The following IL1RAPL2 variants were observed in gnomAD, a reference collection of about 807,000 sequenced individuals.
IL1RAPL2 encodes interleukin 1 receptor accessory protein like 2.
IL1RAPL2 carries 3 observed loss-of-function variants against 44.1 expected under a neutral mutation model. The ratio of observed to expected loss-of-function variants is 0.07; its 90% CI spans 0.03 to 0.18. IL1RAPL2 has a LOEUF of 0.18. Ranked by LOEUF, IL1RAPL2 falls within the 10% of genes least tolerant of loss-of-function variation. IL1RAPL2 has a pLI of 1.00. For synonymous variants in IL1RAPL2, 181 were observed against 178.8 expected, an observed-to-expected ratio of 1.01 and a Z score of -0.10; for missense variants, 391 against 496.4, an observed-to-expected ratio of 0.79 and a Z score of 2.02.
At chrX:104,940,007 A>C (rs1925124445) in intron 2 of IL1RAPL2, among the ~76,000 whole-genome samples, 1 of 111,508 alleles carries the variant, frequency 9.0e-6, no homozygotes, top group African/African-American at 3.3e-5. Flanking sequence ...AAAATTTTGG[A>C]AAATTGGCTG....
chrX:104,646,751 A>G (rs932525575), intron 1 of IL1RAPL2, among the ~76,000 whole-genome samples: 1 of 111,452 alleles, frequency 9.0e-6, no homozygotes, highest in South Asian at 3.8e-4. Context: ...AAGGCGTCAC[A>G]TTGACAAATA....
At chrX:105,646,949 C>T (rs766813303) in intron 6 of IL1RAPL2, among the ~76,000 whole-genome samples, 1 of 112,480 alleles carries the variant, frequency 8.9e-6, no homozygotes, top group Non-Finnish European at 1.9e-5. Context: ...CCCAAGATGG[C>T]GGCAAGCCTT....
intron 2 of IL1RAPL2, among the ~76,000 whole-genome samples, chrX:105,078,589 C>T (rs1265689623): frequency 2.7e-5 from 3 of 112,037 alleles, no homozygotes; most frequent in Admixed American, 9.4e-5. Context: ...AGACTGCAGA[C>T]GTTATTGCTG....
rs199833162 is a variant in IL1RAPL2 at position 105,074,095 on chromosome X, T to A, written c.83-121380T>A. 4.2e-4 allele frequency among the ~76,000 whole-genome samples: 47 copies of A among 111,773 alleles called. 2 individuals are homozygous for A. In the East Asian group the frequency reaches 0.013, roughly 30 times the overall value. On this transcript the variant is annotated intron_variant, in intron 2 of 10. Transcript: ENST00000372582. ...CTTTTGTTGCCATTGCTTTTGGTGT[T>A]TTAGACATGAAGTCCTTGCCCATGC...
chrX:104,945,931 A>G (rs1366145380), intron 2 of IL1RAPL2, among the ~76,000 whole-genome samples: 2 of 110,552 alleles, frequency 1.8e-5, no homozygotes, highest in Non-Finnish European at 3.8e-5. Flanking sequence ...AGATGGATAC[A>G]TGATTTTTTT....
chrX:105,758,187 C>A (rs2038655645), intron 10 of IL1RAPL2, among the ~76,000 whole-genome samples: 1 of 111,402 alleles, frequency 9.0e-6, no homozygotes. Context: ...GCAATGAGGC[C>A]TTTGAGGACT....
At chrX:104,953,499 G>C (rs1925638912) in intron 2 of IL1RAPL2, among the ~76,000 whole-genome samples, 1 of 111,440 alleles carries the variant, frequency 9.0e-6, no homozygotes, top group Non-Finnish European at 1.9e-5. Flanking sequence ...CATTCCAGAT[G>C]TTAAAACAAT....
chrX:104,910,216 T>G (rs760846583), intron 2 of IL1RAPL2, among the ~76,000 whole-genome samples: 5 of 111,797 alleles, frequency 4.5e-5, no homozygotes, highest in Admixed American at 9.4e-5. Flanking sequence ...TTCGGCTCGC[T>G]CACGGTGCGC....
At chrX:105,346,166 G>T (rs2035108836) in intron 5 of IL1RAPL2, among the ~76,000 whole-genome samples, 1 of 111,954 alleles carries the variant, frequency 8.9e-6, no homozygotes, top group Non-Finnish European at 1.9e-5. Flanking sequence ...TGAATGGGCT[G>T]TCTCTCACTT....
At chrX:105,008,815 G>A (rs1459005605) in intron 2 of IL1RAPL2, among the ~76,000 whole-genome samples, 2 of 111,365 alleles carry the variant, frequency 1.8e-5, no homozygotes, top group Admixed American at 9.5e-5. Flanking sequence ...TGAACAGGCA[G>A]CCTACAGAAT....
chrX:104,771,711 T>A (rs1210507432), intron 2 of IL1RAPL2, among the ~76,000 whole-genome samples: 1 of 111,352 alleles, frequency 9.0e-6, no homozygotes, highest in African/African-American at 3.3e-5. Flanking sequence ...AGAGAGAGAA[T>A]ATGTATTCAG....
intron 2 of IL1RAPL2, among the ~76,000 whole-genome samples, chrX:104,948,773 T>G (rs955419967): frequency 5.5e-5 from 6 of 109,301 alleles, no homozygotes; most frequent in African/African-American, 2.0e-4. Flanking sequence ...GAAGCCCACT[T>G]GAGCATGGTG....
chrX:104,652,803 G>A (rs1164788827), intron 1 of IL1RAPL2, among the ~76,000 whole-genome samples: 2 of 111,271 alleles, frequency 1.8e-5, no homozygotes, highest in South Asian at 3.8e-4. Context: ...TGATTTTAAA[G>A]CTTTGGCTTG....
intron 1 of IL1RAPL2, among the ~76,000 whole-genome samples, chrX:104,621,465 G>A (rs1252196822): frequency 1.9e-5 from 2 of 107,909 alleles, no homozygotes; most frequent in Non-Finnish European, 3.8e-5. Context: ...CTGAGAAAGT[G>A]GTGCAGCAGG....
chrX:105,415,617 C>T (rs2035727564), intron 5 of IL1RAPL2, among the ~76,000 whole-genome samples: 1 of 110,901 alleles, frequency 9.0e-6, no homozygotes, highest in African/African-American at 3.3e-5. Context: ...CTGTCAAAGT[C>T]AGAGCTTAAG....
chrX:105,360,684 C>T (rs973392757), intron 5 of IL1RAPL2, among the ~76,000 whole-genome samples: 6 of 110,349 alleles, frequency 5.4e-5, no homozygotes, highest in African/African-American at 2.0e-4. Flanking sequence ...GTGTTATAGG[C>T]AGAGAAAGTG....
At chrX:105,305,017 G>T (rs1465788924) in intron 5 of IL1RAPL2, among the ~76,000 whole-genome samples, 3 of 111,077 alleles carry the variant, frequency 2.7e-5, no homozygotes, top group African/African-American at 9.8e-5. Flanking sequence ...AAGGGGGAGG[G>T]AAGGTGCTAC....
At chrX:104,641,610 C>CA (rs1229588331) in intron 1 of IL1RAPL2, among the ~76,000 whole-genome samples, 1 of 111,662 alleles carries the variant, frequency 9.0e-6, no homozygotes, top group African/African-American at 3.3e-5. Flanking sequence ...ATCATGCCCC[C>CA]ACCCCAGATG....
At chrX:104,588,735 A>G (rs1199996206) in intron 1 of IL1RAPL2, among the ~76,000 whole-genome samples, 2 of 112,057 alleles carry the variant, frequency 1.8e-5, no homozygotes, top group Non-Finnish European at 3.8e-5. Flanking sequence ...ACAGATCTCT[A>G]TATTTCTTAA....
Sources: allele counts gnomAD v4.1 joint callset (sites outside exome capture counted in the v4.1 genomes callset), GRCh38; gene constraint gnomAD v4.1.1; transcripts MANE v1.5; gene names NCBI Gene and HGNC (gene_info 2026-07-23, HGNC 2026-07-21).